The following PCDH9 variants were observed in gnomAD, a reference collection of about 807,000 sequenced individuals.
The protein encoded by PCDH9 is protocadherin-9.
In PCDH9, 24 loss-of-function variants were observed where a neutral mutation model predicts 70.6. That is an observed-to-expected ratio of 0.34 (90% CI 0.25 to 0.48). The LOEUF (loss-of-function observed/expected upper bound fraction) is 0.48. Among genes scored for constraint, PCDH9 ranks in the 20% least tolerant of loss-of-function variants. The pLI, the probability that PCDH9 is intolerant of heterozygous loss-of-function variation, is 0.99. For missense variants in PCDH9, 1,281 were observed against 1,503.6 expected, an observed-to-expected ratio of 0.85 and a Z score of 2.45; for synonymous variants, 562 against 558.5, an observed-to-expected ratio of 1.01 and a Z score of -0.09.
chr13:66,816,645 G>A (rs543926629), intron 3 of PCDH9, among the ~76,000 whole-genome samples: 31 of 151,980 alleles, frequency 2.0e-4, no homozygotes, highest in Non-Finnish European at 3.8e-4. Flanking sequence ...ATTTTGGGTC[G>A]GGTGTGGTTT....
chr13:66,627,197 C>A (rs1042653515), intron 4 of PCDH9, among the ~76,000 whole-genome samples: 6 of 152,218 alleles, frequency 3.9e-5, no homozygotes, highest in African/African-American at 1.4e-4. Context: ...AGTACTTCTA[C>A]AGATCATACT....
chr13:66,908,457 T>C (rs897333683), intron 2 of PCDH9, among the ~76,000 whole-genome samples: 1 of 152,220 alleles, frequency 6.6e-6, no homozygotes, highest in South Asian at 2.1e-4. Context: ...ATTACACCCA[T>C]ATTGAACAGG....
chr13:66,729,914 A>G (rs760078971), intron 3 of PCDH9, among the ~76,000 whole-genome samples: 7 of 152,206 alleles, frequency 4.6e-5, no homozygotes, highest in Non-Finnish European at 1.0e-4. Context: ...ACTATAGAAT[A>G]CTTGAGAGCA....
intron 2 of PCDH9, among the ~76,000 whole-genome samples, chr13:67,156,921 G>A (rs1224766046): frequency 6.6e-6 from 1 of 152,148 alleles, no homozygotes; most frequent in African/African-American, 2.4e-5. Context: ...CCTGCCGGGG[G>A]ACTACTGAAC....
chr13:66,495,311 A>T lies in PCDH9; in HGVS notation c.3340+135899T>A, dbSNP rs1396760809. 3.3e-5 allele frequency among the ~76,000 whole-genome samples: 5 copies of T among 152,342 alleles called. No individual in the cohort carries two copies. In the East Asian group the frequency reaches 9.6e-4, roughly 29 times the overall value. ...TGCATTTAAAAAACACTTCAGGTAC[A>T]TTACAGGCAGGCTTTAAGCAATGAC... On this transcript the variant is annotated intron_variant, in intron 4 of 4. Coordinates refer to ENST00000377865, the MANE Select transcript of PCDH9 (RefSeq NM_203487.3).
intron 3 of PCDH9, among the ~76,000 whole-genome samples, chr13:66,768,095 T>C (rs2079747505): frequency 6.6e-6 from 1 of 152,098 alleles, no homozygotes; most frequent in Non-Finnish European, 1.5e-5. Flanking sequence ...AAAAGACCTA[T>C]TTTAGTACAA....
At chr13:66,708,980 C>A (rs2078755321) in intron 3 of PCDH9, among the ~76,000 whole-genome samples, 2 of 152,138 alleles carry the variant, frequency 1.3e-5, no homozygotes, top group Admixed American at 1.3e-4. Context: ...GGAAACATAC[C>A]ATTTCCAAGT....
At chr13:66,338,406 T>C (rs563279389) in intron 4 of PCDH9, among the ~76,000 whole-genome samples, 1 of 151,882 alleles carries the variant, frequency 6.6e-6, no homozygotes, top group Non-Finnish European at 1.5e-5. Context: ...AAATGAGAGG[T>C]TTTACAAATT....
At chr13:66,939,561 C>T (rs536667354) in intron 2 of PCDH9, among the ~76,000 whole-genome samples, 7 of 151,834 alleles carry the variant, frequency 4.6e-5, no homozygotes, top group Middle Eastern at 3.4e-3. Flanking sequence ...CTCAGTCTCC[C>T]GAGTAGCTGG....
intron 3 of PCDH9, among the ~76,000 whole-genome samples, chr13:66,776,624 A>G (rs1012240977): frequency 2.0e-5 from 3 of 152,178 alleles, no homozygotes; most frequent in African/African-American, 4.8e-5. Context: ...TCAATGATAT[A>G]AAAGAGGATA....
At chr13:66,731,126 C>T (rs759581284) in intron 3 of PCDH9, among the ~76,000 whole-genome samples, 3 of 151,602 alleles carry the variant, frequency 2.0e-5, no homozygotes, top group East Asian at 1.9e-4. Flanking sequence ...AAGAATCATT[C>T]GAAGAGAATG....
intron 2 of PCDH9, among the ~76,000 whole-genome samples, chr13:67,077,871 G>A (rs566457288): frequency 6.6e-6 from 1 of 152,134 alleles, no homozygotes; most frequent in South Asian, 2.1e-4. Flanking sequence ...AAATTCACAT[G>A]TATATCGATT....
At chr13:66,991,485 ACT>A (rs2084001753) in intron 2 of PCDH9, among the ~76,000 whole-genome samples, 1 of 149,996 alleles carries the variant, frequency 6.7e-6, no homozygotes, top group African/African-American at 2.4e-5. Flanking sequence ...AAATAAAATT[ACT>A]TTCTCCAGTT....
chr13:66,567,426 C>T (rs11842317), intron 4 of PCDH9, among the ~76,000 whole-genome samples: 1,908 of 152,236 alleles, frequency 0.013, 36 homozygotes, highest in African/African-American at 0.044. Flanking sequence ...CCATTCATTA[C>T]ACCAGAATGC....
At chr13:66,866,256 G>C (rs1056529187) in intron 3 of PCDH9, among the ~76,000 whole-genome samples, 2 of 152,086 alleles carry the variant, frequency 1.3e-5, no homozygotes, top group Non-Finnish European at 1.5e-5. Flanking sequence ...GCCGAGGTGG[G>C]CTGATCACGA....
At chr13:66,944,384 T>C (rs911199605) in intron 2 of PCDH9, among the ~76,000 whole-genome samples, 2 of 152,188 alleles carry the variant, frequency 1.3e-5, no homozygotes, top group African/African-American at 4.8e-5. Flanking sequence ...TCTTGTCTCA[T>C]TTCTTAGTAC....
intron 4 of PCDH9, among the ~76,000 whole-genome samples, chr13:66,628,717 T>C (rs2077530679): frequency 6.6e-6 from 1 of 152,244 alleles, no homozygotes; most frequent in Admixed American, 6.5e-5. Flanking sequence ...TTTGCTTTTC[T>C]TCAAATAGAT....
At chr13:66,689,517 C>A (rs1001931553) in intron 3 of PCDH9, among the ~76,000 whole-genome samples, 1 of 152,012 alleles carries the variant, frequency 6.6e-6, no homozygotes, top group Non-Finnish European at 1.5e-5. Context: ...AATTAATTTG[C>A]TGTGTACTTA....
chr13:66,816,949 A>T (rs2080616952), intron 3 of PCDH9, among the ~76,000 whole-genome samples: 1 of 151,442 alleles, frequency 6.6e-6, no homozygotes, highest in Admixed American at 6.6e-5. Context: ...TATCCACCAG[A>T]GGGTTCTGCA....
Sources: allele counts gnomAD v4.1 joint callset (sites outside exome capture counted in the v4.1 genomes callset), GRCh38; gene constraint gnomAD v4.1.1; transcripts MANE v1.5; gene names NCBI Gene and HGNC (gene_info 2026-07-23, HGNC 2026-07-21).